The following HTT variants were observed in gnomAD, a reference collection of about 807,000 sequenced individuals.
HTT encodes huntingtin.
In HTT, 104 loss-of-function variants were observed where a neutral mutation model predicts 362.3. The observed-to-expected ratio is 0.29, with a 90% CI of 0.24 to 0.34. The LOEUF is 0.34. Among genes scored for constraint, HTT ranks in the 10% least tolerant of loss-of-function variants. The pLI is 1.00. For synonymous variants in HTT, 1,577 were observed against 1,548.7 expected (o/e 1.02, Z -0.43); for missense variants, 3,301 against 3,928.6 (o/e 0.84, Z 4.27).
rs1453298067 is a variant in HTT, at chr4:3,199,908, C to A, written c.5545C>A (p.Arg1849Ser). The A allele has an allele frequency of 6.2e-7, 1 of 1,613,920 alleles. No individual in the cohort carries two copies. The highest frequency in any genetic ancestry group is 1.1e-5 in the South Asian group (1 of 91,084). ...ILLLVNHTDY[R>S]WWAEVQQTPK... ...GCTGCTTGTCAACCACACCGACTAC[C>A]GCTGGTGGGCAGAAGTGCAGCAGAC... The change falls in exon 41 of 67, where the codon CGC becomes AGC. Residue 1849 changes from arginine (R) to serine (S), a missense_variant. Coordinates refer to ENST00000355072, the MANE Select transcript of HTT (RefSeq NM_001388492.1).
At position 3,106,757 on chromosome 4, in the gene HTT, G is replaced by A. The variant is rs76614309; in HGVS notation, c.609-528G>A. On this transcript the variant is annotated intron_variant, in intron 5 of 66. Transcript: ENST00000355072. ...GTTTCCCCAGCCACCCTCTGAGGCCGTGCTTGTTGCCAGACTCTGCCACTA... is the reference window on the plus strand; with the variant it reads ...GTTTCCCCAGCCACCCTCTGAGGCCATGCTTGTTGCCAGACTCTGCCACTA... Among the ~76,000 whole-genome samples, 1,460 of 152,058 alleles carry A rather than the reference G, an allele frequency of 9.6e-3. 29 individuals carry two copies. The highest frequency in any genetic ancestry group is 0.033 in the African/African-American group (1,374 of 41,452).
At chr4:3,082,052 A>G (rs763852355) in intron 1 of HTT, among the ~76,000 whole-genome samples, 8 of 152,128 alleles carry the variant, frequency 5.3e-5, no homozygotes, top group Admixed American at 2.0e-4. Context: ...CCAGATTTTA[A>G]TATGCATATA....
At position 3,205,133 on chromosome 4, in the gene HTT, A is replaced by G. The variant is rs77725048; in HGVS notation, c.5718+985A>G. Among the ~76,000 whole-genome samples the G allele has an allele frequency of 9.0e-3, 1,371 of 152,316 alleles. 20 individuals carry two copies. The highest frequency in any genetic ancestry group is 0.03 in the African/African-American group (1,267 of 41,562). On this transcript the variant is annotated intron_variant, in intron 42 of 66. Transcript: ENST00000355072. ...ACCATAAAACTAGCATCACATATTT[A>G]CCATGGAGAATTTACAAAAAAACAA...
intron 26 of HTT, among the ~76,000 whole-genome samples, chr4:3,151,395 TGA>T (rs2110209057): frequency 6.7e-6 from 1 of 148,918 alleles, no homozygotes; most frequent in South Asian, 2.1e-4. Flanking sequence ...AAAGAAAGAT[TGA>T]GAGGGAGAGA....
chr4:3,158,605 T>C (rs891584329), intron 28 of HTT, among the ~76,000 whole-genome samples: 2 of 152,132 alleles, frequency 1.3e-5, no homozygotes, highest in Non-Finnish European at 2.9e-5. Flanking sequence ...AATCCTCAGG[T>C]ATTCCTCTGT....
rs147333406 is a variant in HTT at position 3,212,252 on chromosome 4, C to T, written c.6628+110C>T. On this transcript the variant is annotated intron_variant, in intron 48 of 66. Transcript: ENST00000355072. ...GGCAGTGGATCTAATACATTGAAAGCGTTTACAGAGGTAGCTAAAGAGCAG... is the reference window on the plus strand; with the variant it reads ...GGCAGTGGATCTAATACATTGAAAGTGTTTACAGAGGTAGCTAAAGAGCAG... 4.3e-4 allele frequency: 377 copies of T among 877,752 alleles called. No individual in the cohort carries two copies. In the African/African-American group the frequency reaches 5.9e-3, roughly 14 times the overall value. The allele number at this position is 877,752 out of a possible 1,614,324, so 54.4% of individuals were successfully genotyped here.
intron 6 of HTT, chr4:3,113,109 C>T: frequency 1.6e-6 from 1 of 644,986 alleles, no homozygotes; most frequent in Non-Finnish European, 1.9e-6. Context: ...CAGTATGCCT[C>T]CTCTGTGTTT....
intron 18 of HTT, among the ~76,000 whole-genome samples, chr4:3,133,246 G>A (rs1192892383): frequency 6.6e-6 from 1 of 151,676 alleles, no homozygotes; most frequent in Non-Finnish European, 1.5e-5. Context: ...CACTTTGGGA[G>A]GCCAAGGTGG....
At chr4:3,150,295 A>AT (rs895054272) in intron 26 of HTT, among the ~76,000 whole-genome samples, 1 of 152,150 alleles carries the variant, frequency 6.6e-6, no homozygotes, top group Non-Finnish European at 1.5e-5. Flanking sequence ...CTGAACCCCG[A>AT]TTCGGTTTAA....
chr4:3,199,936 C>T lies in HTT; in HGVS notation c.5573C>T (p.Pro1858Leu), dbSNP rs377136202. 4.1e-5 allele frequency: 66 copies of T among 1,612,190 alleles called. 1 individual carries two copies. In the Middle Eastern group the frequency reaches 5.1e-4, roughly 12 times the overall value. Residue 1858 changes from proline to leucine, a missense_variant, in exon 41 of 67, where the codon CCG (proline) becomes CTG (leucine). Coordinates refer to ENST00000355072, the MANE Select transcript of HTT (RefSeq NM_001388492.1). ...TGGTGGGCAGAAGTGCAGCAGACCCCGAAGTAGGTTCATAATGCCCCACAG... is the reference window on the plus strand; with the variant it reads ...TGGTGGGCAGAAGTGCAGCAGACCCTGAAGTAGGTTCATAATGCCCCACAG... ...YRWWAEVQQT[P>L]KRHSLSSTKL...
At chr4:3,109,371 A>T (rs1463246956) in intron 6 of HTT, among the ~76,000 whole-genome samples, 1 of 151,842 alleles carries the variant, frequency 6.6e-6, no homozygotes, top group Non-Finnish European at 1.5e-5. Flanking sequence ...GATTACAGGC[A>T]TGCATCACCA....
intron 1 of HTT, among the ~76,000 whole-genome samples, chr4:3,075,772 G>C (rs764808742): frequency 6.6e-6 from 1 of 152,044 alleles, no homozygotes; most frequent in Admixed American, 6.5e-5. Flanking sequence ...TCATGATCAC[G>C]GTGGTAGTAA....
rs765743424 is a variant in HTT, at chr4:3,157,056, G to A, written c.3626-16G>A. The A allele has an allele frequency of 1.9e-5, 30 of 1,576,690 alleles. No individual in the cohort carries two copies. Among genetic ancestry groups the A allele is most frequent in the Non-Finnish European group, 2.5e-5 (29 of 1,166,418 alleles). On this transcript the variant is annotated splice_polypyrimidine_tract_variant and intron_variant, in intron 27 of 66. Transcript: ENST00000355072. Reference sequence around the variant, plus strand: ...TTTGATCTAAAAGTTTATCTTTTGTGTGCATATTTTTAAAGCTTCTAGACA... The same window carrying A: ...TTTGATCTAAAAGTTTATCTTTTGTATGCATATTTTTAAAGCTTCTAGACA...
In HTT at chr4:3,140,530, A is replaced by T; in HGVS notation, c.2819A>T (p.Tyr940Phe). 1.9e-6 allele frequency: 3 copies of T among 1,614,178 alleles called. No homozygotes were observed. Among genetic ancestry groups the T allele is most frequent in the Non-Finnish European group, 2.5e-6 (3 of 1,180,006 alleles). Residue 940 changes from tyrosine to phenylalanine, a missense_variant, in exon 22 of 67, where the codon TAT (tyrosine) becomes TTT (phenylalanine). Around this residue, in one of 4 missense-constraint regions of HTT, gnomAD observed 2,316 missense variants for 2,658.5 expected, o/e 0.87. Coordinates refer to ENST00000355072, the MANE Select transcript of HTT (RefSeq NM_001388492.1). ...SLIRLVPKLF[Y>F]KCDQGQADPV... ...GTTAGGCTTGTCCCAAAGCTGTTTT[A>T]TAAATGTGACCAAGGACAAGCTGAT...
intron 61 of HTT, among the ~76,000 whole-genome samples, chr4:3,233,916 T>A (rs1721390509): frequency 6.6e-6 from 1 of 152,206 alleles, no homozygotes; most frequent in South Asian, 2.1e-4. Context: ...CCGCCACTCT[T>A]CCAAAGTCGC....
At chr4:3,135,796 C>T (rs2110193048) in intron 19 of HTT, 108 bp from the exon 20 acceptor site, 4 of 706,944 alleles carry the variant, frequency 5.7e-6, no homozygotes, top group Non-Finnish European at 9.3e-6. Flanking sequence ...GTAAGTGCTG[C>T]CCAAGGTCCT....
chr4:3,240,339 C>G lies in HTT; in HGVS notation c.*280C>G. 2 of 491,568 alleles carry G rather than the reference C, an allele frequency of 4.1e-6. No homozygotes were observed. The highest frequency in any genetic ancestry group is 7.3e-6 in the Non-Finnish European group (2 of 272,798). The allele number at this position is 491,568 out of a possible 1,614,324, so 30.5% of individuals were successfully genotyped here. ...CCCCATGTGGGTGACCAGGTCCTTT[C>G]TCCTGATAGTCACCTGCTGGTTGTT... On this transcript the variant is annotated 3_prime_UTR_variant, in exon 67 of 67. Transcript: ENST00000355072.
chr4:3,090,827 C>T (rs1304881794), intron 2 of HTT, among the ~76,000 whole-genome samples: 1 of 152,138 alleles, frequency 6.6e-6, no homozygotes, highest in Non-Finnish European at 1.5e-5. Context: ...AAAATCATCA[C>T]CAGGCCTGGT....
At chr4:3,197,865 C>T (rs981711530) in intron 40 of HTT, among the ~76,000 whole-genome samples, 4 of 152,166 alleles carry the variant, frequency 2.6e-5, no homozygotes, top group African/African-American at 4.8e-5. Flanking sequence ...TGTCCCTGCA[C>T]GTGCTCTGTG....
Sources: allele counts gnomAD v4.1 joint callset (sites outside exome capture counted in the v4.1 genomes callset), GRCh38; gene constraint gnomAD v4.1.1; regional missense constraint gnomAD v4.1.1; transcripts MANE v1.5; gene names NCBI Gene and HGNC (gene_info 2026-07-23, HGNC 2026-07-21).